SLC14A2: variants seen among roughly 807,000 people sequenced by gnomAD.
SLC14A2 encodes the protein solute carrier family 14 member 2.
Under a neutral mutation model 104.6 loss-of-function variants are expected in SLC14A2, and 91 were observed. That is an observed-to-expected ratio of 0.87 (90% CI 0.73 to 1.04). The LOEUF (loss-of-function observed/expected upper bound fraction) is 1.04. Ranked by LOEUF, SLC14A2 falls within the 50% of genes least tolerant of loss-of-function variation. The probability of loss-of-function intolerance (pLI) is 0.00; values close to 1 mark genes in which losing one functional copy is unlikely to be tolerated. For synonymous variants in SLC14A2, 476 were observed against 466.4 expected, an observed-to-expected ratio of 1.02 and a Z score of -0.27; for missense variants, 1,189 against 1,156.0, an observed-to-expected ratio of 1.03 and a Z score of -0.41.
intron 1 of SLC14A2, among the ~76,000 whole-genome samples, chr18:45,225,208 G>A (rs567375232): frequency 3.3e-5 from 5 of 152,116 alleles, no homozygotes; most frequent in East Asian, 3.9e-4. Context: ...CTTTCTACAT[G>A]TGGCTAGCCA....
intron 1 of SLC14A2, among the ~76,000 whole-genome samples, chr18:45,372,812 G>A (rs1320746917): frequency 6.6e-6 from 1 of 152,062 alleles, no homozygotes; most frequent in Non-Finnish European, 1.5e-5. Context: ...GTTTTTTAAA[G>A]TTTAAAAAAG....
intron 2 of SLC14A2, among the ~76,000 whole-genome samples, chr18:45,500,073 C>T (rs1365844285): frequency 1.3e-5 from 2 of 151,990 alleles, no homozygotes; most frequent in Non-Finnish European, 2.9e-5. Flanking sequence ...TATAAGAAGC[C>T]GCAAATAAAT....
the SLC14A2 span, among the ~76,000 whole-genome samples, chr18:45,181,938 G>A: frequency 6.6e-6 from 1 of 152,054 alleles, no homozygotes; most frequent in Non-Finnish European, 1.5e-5. Context: ...CTTGGGTTAA[G>A]AGGAAATCAA....
rs995183831 is a variant in SLC14A2 at position 45,512,615 on chromosome 18, C to G, written c.-35+29293C>G. On this transcript the variant is annotated intron_variant, in intron 2 of 20. Transcript: ENST00000586448. The stretch of plus-strand genomic sequence containing the variant: ...TGCTGCTCATTACCAAGAAAAATGA[C>G]AGCTTGATGGTCTTCCAGCAAGAGA... 1.1e-4 allele frequency among the ~76,000 whole-genome samples: 16 copies of G among 152,170 alleles called. No homozygotes were observed. The East Asian group carries it at 2.3e-3, about 22-fold the overall frequency.
intron 1 of SLC14A2, among the ~76,000 whole-genome samples, chr18:45,302,214 G>A (rs1232191573): frequency 6.6e-6 from 1 of 152,144 alleles, no homozygotes; most frequent in African/African-American, 2.4e-5. Flanking sequence ...TGTTACAACT[G>A]GTGAAAAATG....
intron 1 of SLC14A2, among the ~76,000 whole-genome samples, chr18:45,375,572 T>G (rs903342849): frequency 6.6e-6 from 1 of 152,226 alleles, no homozygotes; most frequent in African/African-American, 2.4e-5. Context: ...GGAGACTGAT[T>G]TGAGTAATAA....
At chr18:45,287,443 T>A (rs2084825772) in intron 1 of SLC14A2, among the ~76,000 whole-genome samples, 2 of 152,224 alleles carry the variant, frequency 1.3e-5, no homozygotes. Context: ...GGCCTTCATG[T>A]GAAGAGCAGC....
At chr18:45,655,534 T>C (rs7506705) in intron 10 of SLC14A2, among the ~76,000 whole-genome samples, 64,120 of 152,102 alleles carry the variant, frequency 0.42, 13,938 homozygotes, top group Admixed American at 0.47. Flanking sequence ...AGGATCATTG[T>C]GTTGACAAGG....
At chr18:45,539,558 G>A (rs2043852396) in intron 2 of SLC14A2, among the ~76,000 whole-genome samples, 2 of 152,174 alleles carry the variant, frequency 1.3e-5, no homozygotes, top group Admixed American at 1.3e-4. Flanking sequence ...CTCTGCTGGA[G>A]CCCAGCCAGG....
chr18:45,604,005 G>A (rs563094881), intron 2 of SLC14A2, among the ~76,000 whole-genome samples: 1 of 152,134 alleles, frequency 6.6e-6, no homozygotes, highest in Non-Finnish European at 1.5e-5. Context: ...ACTTTCGTTG[G>A]ATTCAAATTT....
chr18:45,318,173 C>G (rs1382614038), intron 1 of SLC14A2, among the ~76,000 whole-genome samples: 3 of 152,150 alleles, frequency 2.0e-5, no homozygotes, highest in Admixed American at 1.3e-4. Context: ...GCAGCTGGCT[C>G]CAAGCACCGG....
At chr18:45,464,840 G>T (rs1264197044) in intron 1 of SLC14A2, among the ~76,000 whole-genome samples, 1 of 152,174 alleles carries the variant, frequency 6.6e-6, no homozygotes, top group East Asian at 1.9e-4. Context: ...CAGTTTCTGG[G>T]CCCAATGCCA....
intron 6 of SLC14A2, among the ~76,000 whole-genome samples, 168 bp from the exon 7 acceptor site, chr18:45,639,578 C>T (rs2045483705): frequency 2.0e-5 from 3 of 152,138 alleles, no homozygotes; most frequent in African/African-American, 7.2e-5. Flanking sequence ...GAGTGAGGAG[C>T]TGTTTGTTCC....
chr18:45,448,063 T>G (rs2086798433), intron 1 of SLC14A2, among the ~76,000 whole-genome samples: 1 of 152,248 alleles, frequency 6.6e-6, no homozygotes, highest in Non-Finnish European at 1.5e-5. Context: ...TTATCCATGA[T>G]CATTGCTGTG....
chr18:45,672,830 T>A, intron 16 of SLC14A2, 70 bp from the exon 17 acceptor site: 1 of 1,456,504 alleles, frequency 6.9e-7, no homozygotes, highest in Non-Finnish European at 9.3e-7. Flanking sequence ...CAGTGCCAAG[T>A]CTCTTGCAGC....
At position 45,584,378 on chromosome 18, in the gene SLC14A2, T is replaced by G. The variant is rs1030027775; in HGVS notation, c.-34-40253T>G. ...TGCTCCATCAGGATCCTACGCCACA[T>G]GCCCACACTTACTAATTACCACATA... is the stretch of plus-strand genomic sequence containing the variant. On this transcript the variant is annotated intron_variant, in intron 2 of 20. Coordinates refer to the SLC14A2 transcript ENST00000586448. Among the ~76,000 whole-genome samples the G allele has an allele frequency of 2.0e-5, 3 of 152,342 alleles. No homozygotes were observed. In the South Asian group the frequency reaches 6.2e-4, roughly 32 times the overall value.
At chr18:45,357,257 T>TTG (rs2085563842) in intron 1 of SLC14A2, among the ~76,000 whole-genome samples, 1 of 149,694 alleles carries the variant, frequency 6.7e-6, no homozygotes, top group Non-Finnish European at 1.5e-5. Flanking sequence ...TTTTTTTTTT[T>TTG]GCTATTAATA....
At chr18:45,606,974 C>T (rs1343252495) in intron 2 of SLC14A2, among the ~76,000 whole-genome samples, 3 of 152,114 alleles carry the variant, frequency 2.0e-5, no homozygotes, top group African/African-American at 7.2e-5. Flanking sequence ...TTCCCATCCT[C>T]AAGGCTACAG....
intron 5 of SLC14A2, chr18:45,634,783 G>T (rs1426394433): frequency 2.2e-6 from 1 of 456,624 alleles, no homozygotes; most frequent in Non-Finnish European, 4.4e-6. Context: ...AGATGTGATG[G>T]GATATGGTTT....
Sources: allele counts gnomAD v4.1 joint callset (sites outside exome capture counted in the v4.1 genomes callset), GRCh38; gene constraint gnomAD v4.1.1; transcripts MANE v1.5; gene names NCBI Gene and HGNC (gene_info 2026-07-23, HGNC 2026-07-21).